Variants in KCNQ3 observed in about 807,000 individuals in gnomAD.
KCNQ3 encodes the protein potassium voltage-gated channel subfamily Q member 3.
In KCNQ3, 30 loss-of-function variants were observed where a neutral mutation model predicts 92.5. That is an observed-to-expected ratio of 0.32 (90% CI 0.24 to 0.44). KCNQ3 has a LOEUF of 0.44. Among genes scored for constraint, KCNQ3 ranks in the 20% least tolerant of loss-of-function variants. The pLI is 1.00. For missense variants in KCNQ3, 913 were observed against 1,140.3 expected (o/e 0.80, Z 2.87); for synonymous variants, 450 against 468.8 (o/e 0.96, Z 0.52).
At position 132,131,645 on chromosome 8, in the gene KCNQ3, C is replaced by A. The variant is rs201291589; in HGVS notation, c.1884+535G>T. On this transcript the variant is annotated intron_variant, in intron 14 of 14. Transcript: ENST00000388996. Reference sequence around the variant, plus strand: ...CAGCAACCTAATAGGGTATTATAATCCCCATACTACAGATGAGGAAAACTG... The same window carrying A: ...CAGCAACCTAATAGGGTATTATAATACCCATACTACAGATGAGGAAAACTG... 5.3e-5 allele frequency among the ~76,000 whole-genome samples: 8 copies of A among 152,282 alleles called. No homozygotes were observed. In the East Asian group the frequency reaches 1.5e-3, roughly 29 times the overall value.
intron 1 of KCNQ3, among the ~76,000 whole-genome samples, chr8:132,298,871 G>A (rs1357902108): frequency 6.6e-6 from 1 of 152,126 alleles, no homozygotes; most frequent in Non-Finnish European, 1.5e-5. Flanking sequence ...TGGCACCATT[G>A]CACTCCAGTC....
At chr8:132,392,182 G>A (rs368363026) in intron 1 of KCNQ3, among the ~76,000 whole-genome samples, 44 of 152,156 alleles carry the variant, frequency 2.9e-4, no homozygotes, top group African/African-American at 1.1e-3. Context: ...TGTCAAAGAG[G>A]ACAGTGGTTC....
intron 1 of KCNQ3, among the ~76,000 whole-genome samples, chr8:132,352,535 T>C (rs1818905306): frequency 6.6e-6 from 1 of 152,088 alleles, no homozygotes; most frequent in South Asian, 2.1e-4. Flanking sequence ...GAGGGCTAAA[T>C]CAGAGGTTGC....
chr8:132,171,491 C>A (rs1441679158), intron 7 of KCNQ3, among the ~76,000 whole-genome samples: 1 of 152,200 alleles, frequency 6.6e-6, no homozygotes, highest in African/African-American at 2.4e-5. Flanking sequence ...GGAAACACTT[C>A]TGCCTCTCTC....
At chr8:132,133,812 AAGG>A (rs936999871) in intron 13 of KCNQ3, among the ~76,000 whole-genome samples, 6 of 152,208 alleles carry the variant, frequency 3.9e-5, no homozygotes, top group African/African-American at 1.4e-4. Context: ...GAAGCTTTGG[AAGG>A]AGAAGAGCTG....
intron 1 of KCNQ3, among the ~76,000 whole-genome samples, chr8:132,378,676 CT>C (rs1263563234): frequency 1.3e-5 from 2 of 152,160 alleles, no homozygotes; most frequent in African/African-American, 4.8e-5. Flanking sequence ...AATGAGGTCC[CT>C]TCTGTTCCCA....
At chr8:132,229,788 A>G (rs542276642) in intron 1 of KCNQ3, among the ~76,000 whole-genome samples, 1 of 152,284 alleles carries the variant, frequency 6.6e-6, no homozygotes, top group African/African-American at 2.4e-5. Context: ...CAAGGGAGCA[A>G]CTACAGCATC....
chr8:132,413,431 C>T (rs1247559135), intron 1 of KCNQ3, among the ~76,000 whole-genome samples: 1 of 152,202 alleles, frequency 6.6e-6, no homozygotes, highest in Admixed American at 6.5e-5. Context: ...TGGGTTAAGT[C>T]GCCTTTCAGT....
chr8:132,306,380 A>G (rs1017911152), intron 1 of KCNQ3, among the ~76,000 whole-genome samples: 4 of 152,208 alleles, frequency 2.6e-5, no homozygotes, highest in Non-Finnish European at 5.9e-5. Context: ...TGGCCAAAAA[A>G]TCATCTACTG....
In KCNQ3 at chr8:132,174,176, G is replaced by A. The variant is rs1463311257; in HGVS notation, c.1044+63C>T. The A allele has an allele frequency of 2.6e-6, 3 of 1,161,138 alleles. No individual in the cohort carries two copies. In the Admixed American group the frequency reaches 5.9e-5, roughly 23 times the overall value. The allele number at this position is 1,161,138 out of a possible 1,614,324, so 71.9% of individuals were successfully genotyped here. ...GAAGATGACACTGGAAAGTTGAGCT[G>A]GCACCAGGCGGTAAGGGGTCCTGCA... is the stretch of plus-strand genomic sequence containing the variant. On this transcript the variant is annotated intron_variant, in intron 6 of 14. Transcript: ENST00000388996.
intron 1 of KCNQ3, among the ~76,000 whole-genome samples, chr8:132,434,063 C>T (rs1821321571): frequency 6.6e-6 from 1 of 151,522 alleles, no homozygotes; most frequent in Non-Finnish European, 1.5e-5. Flanking sequence ...AAAAAATTAG[C>T]CGGGCGTAGT....
At chr8:132,310,077 A>C (rs1586916328) in intron 1 of KCNQ3, among the ~76,000 whole-genome samples, 1 of 152,206 alleles carries the variant, frequency 6.6e-6, no homozygotes, top group Non-Finnish European at 1.5e-5. Context: ...TTACCATAGG[A>C]ATAGATCTAC....
At chr8:132,238,926 T>C (rs1422076020) in intron 1 of KCNQ3, among the ~76,000 whole-genome samples, 1 of 152,182 alleles carries the variant, frequency 6.6e-6, no homozygotes, top group Non-Finnish European at 1.5e-5. Context: ...AAGGCTACCC[T>C]GTAAGTGTAA....
chr8:132,156,447 C>G (rs1388042829), intron 9 of KCNQ3, among the ~76,000 whole-genome samples: 2 of 152,028 alleles, frequency 1.3e-5, no homozygotes, highest in South Asian at 4.1e-4. Context: ...AACTCTACTA[C>G]CTAGTTATTT....
At chr8:132,476,647 C>T (rs1460439571) in intron 1 of KCNQ3, among the ~76,000 whole-genome samples, 1 of 152,228 alleles carries the variant, frequency 6.6e-6, no homozygotes, top group African/African-American at 2.4e-5. Flanking sequence ...AATGCCTATA[C>T]TCCCATTGTA....
intron 3 of KCNQ3, among the ~76,000 whole-genome samples, chr8:132,181,401 T>C (rs1826769702): frequency 6.6e-6 from 1 of 152,228 alleles, no homozygotes; most frequent in South Asian, 2.1e-4. Flanking sequence ...GTCACTAATT[T>C]TTTTATTGAA....
In KCNQ3 at chr8:132,279,247, C is replaced by T. The variant is rs555285591; in HGVS notation, c.387-93066G>A. On this transcript the variant is annotated intron_variant, in intron 1 of 14. Transcript: ENST00000388996. ...AAAATGCAGATGCTTAGATCCTAAC[C>T]GCCAGTGATTCTGATTTATTAAATA... Among the ~76,000 whole-genome samples the T allele has an allele frequency of 7.9e-5, 12 of 152,210 alleles. No homozygotes were observed. In the East Asian group the frequency reaches 2.3e-3, roughly 29 times the overall value.
At chr8:132,290,470 G>T (rs578055835) in intron 1 of KCNQ3, among the ~76,000 whole-genome samples, 1 of 152,142 alleles carries the variant, frequency 6.6e-6, no homozygotes, top group Admixed American at 6.5e-5. Flanking sequence ...TTTTCACATG[G>T]ATTACTTTGG....
chr8:132,170,945 G>C (rs536464555), intron 7 of KCNQ3, among the ~76,000 whole-genome samples: 5 of 152,078 alleles, frequency 3.3e-5, no homozygotes, highest in African/African-American at 1.2e-4. Context: ...ATTGAGCCCA[G>C]GAGGTTGAGG....
Sources: gnomAD v4.1 joint callset for allele counts (sites outside exome capture counted in the v4.1 genomes callset) on GRCh38, gnomAD v4.1.1 for gene constraint, MANE v1.5 for transcripts, NCBI Gene and HGNC (gene_info 2026-07-23, HGNC 2026-07-21) for gene names.